TACC1: variants seen among roughly 807,000 people sequenced by gnomAD.
TACC1 encodes the protein transforming acidic coiled-coil-containing protein 1.
In TACC1, 48 loss-of-function variants were observed where a neutral mutation model predicts 84.4. The observed-to-expected ratio is 0.57, with a 90% CI of 0.45 to 0.72. The LOEUF (loss-of-function observed/expected upper bound fraction) is 0.72, where lower values mean the gene tolerates loss of function less well. Among genes scored for constraint, TACC1 ranks in the 30% least tolerant of loss-of-function variants. The probability of loss-of-function intolerance (pLI) is 0.00; values close to 1 mark genes in which losing one functional copy is unlikely to be tolerated. For synonymous variants in TACC1, 372 were observed against 376.3 expected, an observed-to-expected ratio of 0.99 and a Z score of 0.13; for missense variants, 920 against 973.0, an observed-to-expected ratio of 0.95 and a Z score of 0.72.
intron 1 of TACC1, among the ~76,000 whole-genome samples, chr8:38,733,876 C>T (rs1159641418): frequency 6.6e-6 from 1 of 152,154 alleles, no homozygotes; most frequent in African/African-American, 2.4e-5. Flanking sequence ...TTGCTGGAAA[C>T]AAGAGGACAA....
At chr8:38,786,315 A>C (rs1817127755), upstream of TACC1, among the ~76,000 whole-genome samples, 1 of 152,234 alleles carries the variant, frequency 6.6e-6, no homozygotes, top group African/African-American at 2.4e-5. Flanking sequence ...ATTGCCTTCA[A>C]ACCTAAAGAT....
intron 1 of TACC1, among the ~76,000 whole-genome samples, chr8:38,740,463 T>C (rs915499776): frequency 6.6e-6 from 1 of 152,144 alleles, no homozygotes; most frequent in Non-Finnish European, 1.5e-5. Flanking sequence ...TGATCCCAAA[T>C]GTGGCTGTCT....
chr8:38,745,553 T>C (rs1247924008), intron 3 of TACC1: 3 of 673,622 alleles, frequency 4.5e-6, no homozygotes, highest in Non-Finnish European at 5.3e-6. Context: ...GTTTTTGTTT[T>C]TGTTTTTTGA....
chr8:38,817,043 G>A (rs539719469), intron 2 of TACC1, among the ~76,000 whole-genome samples: 11 of 152,314 alleles, frequency 7.2e-5, no homozygotes, highest in African/African-American at 2.6e-4. Flanking sequence ...GGTTCCAGGG[G>A]TTGTAGGAGC....
At chr8:38,786,827 T>C (rs1246240784), upstream of TACC1, among the ~76,000 whole-genome samples, 2 of 117,164 alleles carry the variant, frequency 1.7e-5, no homozygotes, top group Non-Finnish European at 3.7e-5. Context: ...CGAAGGTTTG[T>C]ATTTTTTTTT....
chr8:38,775,979 G>A (rs897781273), intron 3 of TACC1, among the ~76,000 whole-genome samples: 1 of 151,582 alleles, frequency 6.6e-6, no homozygotes, highest in Non-Finnish European at 1.5e-5. Flanking sequence ...GCTAGAAATC[G>A]TCACTAGCAC....
chr8:38,813,020 T>C (rs1425445655), intron 2 of TACC1, among the ~76,000 whole-genome samples: 1 of 152,240 alleles, frequency 6.6e-6, no homozygotes, highest in Non-Finnish European at 1.5e-5. Context: ...GTTTGTTTTC[T>C]CTTATATTGA....
intron 5 of TACC1, among the ~76,000 whole-genome samples, chr8:38,828,636 C>T (rs1828623826): frequency 6.6e-6 from 1 of 152,068 alleles, no homozygotes; most frequent in African/African-American, 2.4e-5. Context: ...GGGAGGACCC[C>T]TCTTGTAATG....
At chr8:38,773,608 A>G (rs948812019) in intron 3 of TACC1, among the ~76,000 whole-genome samples, 11 of 151,498 alleles carry the variant, frequency 7.3e-5, no homozygotes, top group Non-Finnish European at 1.6e-4. Context: ...CTATCTAGCT[A>G]TCTATCTAGC....
chr8:38,835,977 A>G (rs745368127), intron 6 of TACC1, among the ~76,000 whole-genome samples, 185 bp from the exon 7 acceptor site: 19 of 152,256 alleles, frequency 1.2e-4, no homozygotes, highest in Non-Finnish European at 2.1e-4. Context: ...GATAGTCATT[A>G]TAACAGTTTT....
At position 38,848,077 on chromosome 8, in the gene TACC1, C is replaced by T; in HGVS notation, c.*54C>T. The T allele has an allele frequency of 6.6e-7, 1 of 1,523,952 alleles. No individual in the cohort carries two copies. The allele number at this position is 1,523,952 out of a possible 1,614,324, so 94.4% of individuals were successfully genotyped here. A position where few individuals can be genotyped will look rare whatever the true frequency, so the allele number is the denominator to read the frequency against. On this transcript the variant is annotated 3_prime_UTR_variant, in exon 13 of 13. Coordinates refer to ENST00000317827, the MANE Select transcript of TACC1 (RefSeq NM_006283.3). ...TGCATTTGGCTGCTTCTCTTGTGAC[C>T]ACAATTATCTTGCCTTATCCAGGAA...
intron 3 of TACC1, among the ~76,000 whole-genome samples, chr8:38,774,515 C>A (rs1021701234): frequency 6.6e-6 from 1 of 152,128 alleles, no homozygotes; most frequent in Non-Finnish European, 1.5e-5. Context: ...TGTTTTGAGA[C>A]AGAGTCTCAC....
intron 3 of TACC1, among the ~76,000 whole-genome samples, chr8:38,766,971 A>G (rs1352270691): frequency 6.6e-6 from 1 of 152,210 alleles, no homozygotes; most frequent in African/African-American, 2.4e-5. Context: ...AGGGAAGTAA[A>G]TGTTTGAGAA....
intron 3 of TACC1, among the ~76,000 whole-genome samples, 185 bp from the exon 4 acceptor site, chr8:38,825,123 G>A (rs938763879): frequency 3.3e-5 from 5 of 152,154 alleles, no homozygotes; most frequent in African/African-American, 7.2e-5. Context: ...TGCTTACCCC[G>A]TCTCTCTGGA....
intron 3 of TACC1, chr8:38,824,158 A>G (rs1183005766): frequency 1.4e-6 from 1 of 700,668 alleles, no homozygotes; most frequent in Non-Finnish European, 2.3e-6. Context: ...TTTGCATTTC[A>G]TCAGTCACTT....
In TACC1 at chr8:38,847,994, C is replaced by G. The variant is rs1832632546; in HGVS notation, c.2389C>G (p.Leu797Val). 1.9e-6 allele frequency: 3 copies of G among 1,613,834 alleles called. No individual in the cohort carries two copies. The highest frequency in any genetic ancestry group is 2.2e-5 in the East Asian group (1 of 44,884). Residue 797 changes from leucine to valine, a missense_variant, in exon 13 of 13, where the codon CTG becomes GTG. Leu to Val is a conservative substitution (Grantham distance 32). Around this residue, in one of 2 missense-constraint regions of TACC1, gnomAD observed 158 missense variants for 225.6 expected, o/e 0.70. Coordinates refer to ENST00000317827, the MANE Select transcript of TACC1 (RefSeq NM_006283.3). ...AGAACTGACAAAAATCTGTGATGAG[C>G]TGATTGCAAAGCTGGGAAAGACTGA... Reference protein sequence around the residue: ...IEELTKICDELIAKLGKTD With the variant: ...IEELTKICDEVIAKLGKTD
rs770735088 is a variant in TACC1, at chr8:38,836,246, G to A, written c.1798G>A (p.Glu600Lys). 2.5e-6 allele frequency: 4 copies of A among 1,612,438 alleles called. No individual in the cohort carries two copies. Among genetic ancestry groups the A allele is most frequent in the South Asian group, 2.2e-5 (2 of 91,076 alleles). Residue 600 changes from glutamate (E) to lysine (K), a missense_variant, in exon 7 of 13, where the codon GAA becomes AAA. By Grantham distance (56) the Glu-to-Lys change is moderately conservative. Around this residue, in one of 2 missense-constraint regions of TACC1, gnomAD observed 762 missense variants for 747.3 expected, o/e 1.02. Transcript: ENST00000317827. The stretch of plus-strand genomic sequence containing the variant: ...CCCCCTGGATGGGATCTGCCTCAGC[G>A]AATCAGACAAGACAGCCGTGCTCAC... Reference protein sequence around the residue: ...ESPLDGICLSESDKTAVLTLI... With the variant: ...ESPLDGICLSKSDKTAVLTLI...
chr8:38,804,316 T>G (rs907268414), intron 2 of TACC1, among the ~76,000 whole-genome samples: 1 of 152,180 alleles, frequency 6.6e-6, no homozygotes, highest in African/African-American at 2.4e-5. Context: ...TTTTTCTTTT[T>G]GGGATGGAAT....
At chr8:38,771,343 A>G (rs1813568164) in intron 3 of TACC1, among the ~76,000 whole-genome samples, 1 of 152,198 alleles carries the variant, frequency 6.6e-6, no homozygotes, top group African/African-American at 2.4e-5. Context: ...ACAAGGACAG[A>G]AAATCCCTCT....
Sources: gnomAD v4.1 joint callset for allele counts (sites outside exome capture counted in the v4.1 genomes callset) on GRCh38, gnomAD v4.1.1 for gene constraint, gnomAD v4.1.1 regional missense constraint, MANE v1.5 for transcripts, NCBI Gene and HGNC (gene_info 2026-07-23, HGNC 2026-07-21) for gene names.